The following FHIT variants were observed in gnomAD, a reference collection of about 807,000 sequenced individuals.
FHIT encodes bis(5'-adenosyl)-triphosphatase.
A neutral mutation model predicts 17.9 loss-of-function variants in FHIT; 19 were observed. The ratio of observed to expected loss-of-function variants is 1.06; its 90% CI spans 0.74 to 1.56. The LOEUF (loss-of-function observed/expected upper bound fraction) is 1.56, where lower values mean the gene tolerates loss of function less well. Ranked by LOEUF, FHIT falls within the 40% of genes most tolerant of loss-of-function variation. FHIT has a pLI of 0.00. For synonymous variants in FHIT, 81 were observed against 69.7 expected (o/e 1.16, Z -0.81); for missense variants, 248 against 189.2 (o/e 1.31, Z -1.82).
chr3:60,956,096 C>T (rs1417638414), intron 3 of FHIT, among the ~76,000 whole-genome samples: 1 of 151,992 alleles, frequency 6.6e-6, no homozygotes, highest in Non-Finnish European at 1.5e-5. Context: ...ACTCATGTAC[C>T]CTATTTAATG....
intron 8 of FHIT, among the ~76,000 whole-genome samples, chr3:59,776,346 C>T (rs56102180): frequency 0.046 from 7,015 of 152,316 alleles, 256 homozygotes; most frequent in African/African-American, 0.091. Flanking sequence ...GCTACAAGTG[C>T]TCACCATCAC....
intron 8 of FHIT, among the ~76,000 whole-genome samples, chr3:59,756,839 C>A (rs774362639): frequency 6.6e-6 from 1 of 152,150 alleles, no homozygotes; most frequent in Non-Finnish European, 1.5e-5. Context: ...TGTAAATCAA[C>A]CTGCACTATT....
chr3:60,226,755 A>G (rs1704228510), intron 5 of FHIT, among the ~76,000 whole-genome samples: 1 of 152,114 alleles, frequency 6.6e-6, no homozygotes, highest in African/African-American at 2.4e-5. Context: ...AATGAGAAGC[A>G]AATAATCATA....
At chr3:59,785,372 C>T (rs550626) in intron 8 of FHIT, among the ~76,000 whole-genome samples, 101,707 of 150,534 alleles carry the variant, frequency 0.68, 34,733 homozygotes, top group Middle Eastern at 0.73. Flanking sequence ...TGCAGTGGCA[C>T]GATCTTGGCT....
At chr3:60,310,497 G>T (rs907591172) in intron 5 of FHIT, among the ~76,000 whole-genome samples, 1 of 152,030 alleles carries the variant, frequency 6.6e-6, no homozygotes, top group African/African-American at 2.4e-5. Context: ...AGGCCTAGGG[G>T]TCAGTACTGA....
At chr3:60,369,914 T>C (rs975468237) in intron 5 of FHIT, among the ~76,000 whole-genome samples, 1 of 152,168 alleles carries the variant, frequency 6.6e-6, no homozygotes, top group Non-Finnish European at 1.5e-5. Context: ...TTCAACAGTA[T>C]TTTACAGAAA....
At chr3:59,981,752 G>C (rs1170641199) in intron 7 of FHIT, among the ~76,000 whole-genome samples, 2 of 152,088 alleles carry the variant, frequency 1.3e-5, no homozygotes, top group African/African-American at 4.8e-5. Context: ...CATTTAATGT[G>C]AAATGAGGCA....
chr3:60,533,908 T>A (rs968100025), intron 5 of FHIT, among the ~76,000 whole-genome samples: 1 of 152,062 alleles, frequency 6.6e-6, no homozygotes, highest in Admixed American at 6.6e-5. Context: ...ATAGGCTACA[T>A]TGGAAAAGCC....
intron 5 of FHIT, among the ~76,000 whole-genome samples, chr3:60,354,694 T>C (rs1014149662): frequency 1.4e-4 from 22 of 152,242 alleles, no homozygotes; most frequent in Non-Finnish European, 2.5e-4. Flanking sequence ...TATTTTTAAA[T>C]GTCACCAAAT....
rs143178836 is a variant in FHIT at position 60,446,129 on chromosome 3, T to G, written c.103+90731A>C. Among the ~76,000 whole-genome samples the G allele has an allele frequency of 5.1e-3, 781 of 152,204 alleles. 7 individuals carry two copies. The highest frequency in any genetic ancestry group is 0.018 in the African/African-American group (750 of 41,560). ...AGGGTAGGAGGGACAATGGAGTTCT[T>G]GAGAGTCCTGGCATTACTGGGAGAA... On this transcript the variant is annotated intron_variant, in intron 5 of 9. Coordinates refer to ENST00000492590, the MANE Select transcript of FHIT (RefSeq NM_002012.4).
At chr3:60,486,453 C>T (rs561516544) in intron 5 of FHIT, among the ~76,000 whole-genome samples, 2 of 152,196 alleles carry the variant, frequency 1.3e-5, no homozygotes, top group South Asian at 4.1e-4. Flanking sequence ...TTCCCCAAAG[C>T]TCCTAACATC....
At chr3:60,281,541 C>G (rs921708088) in intron 5 of FHIT, among the ~76,000 whole-genome samples, 1 of 150,650 alleles carries the variant, frequency 6.6e-6, no homozygotes, top group Admixed American at 6.6e-5. Flanking sequence ...CAAACATAAA[C>G]AACTTGCCCT....
intron 5 of FHIT, among the ~76,000 whole-genome samples, chr3:60,435,106 C>A (rs2030093555): frequency 6.6e-6 from 1 of 152,146 alleles, no homozygotes; most frequent in African/African-American, 2.4e-5. Context: ...GCTGGGCCAG[C>A]AGCAGGCCAT....
At chr3:61,020,078 G>A (rs562768244) in intron 3 of FHIT, among the ~76,000 whole-genome samples, 70 of 152,200 alleles carry the variant, frequency 4.6e-4, no homozygotes, top group Admixed American at 2.7e-3. Flanking sequence ...GGGTCAAGTG[G>A]TATTTCTTGT....
chr3:59,995,185 T>G (rs917681822), intron 7 of FHIT, among the ~76,000 whole-genome samples: 1 of 151,608 alleles, frequency 6.6e-6, no homozygotes, highest in Non-Finnish European at 1.5e-5. Flanking sequence ...ACAAAGAAAA[T>G]CTGATGTAGG....
intron 5 of FHIT, among the ~76,000 whole-genome samples, chr3:60,127,916 C>T (rs1360375602): frequency 1.3e-5 from 2 of 152,106 alleles, no homozygotes; most frequent in African/African-American, 4.8e-5. Flanking sequence ...CAGTCATGAG[C>T]CATCTCATGC....
intron 2 of FHIT, among the ~76,000 whole-genome samples, chr3:61,114,012 G>C (rs1047168748): frequency 1.5e-4 from 23 of 152,128 alleles, no homozygotes; most frequent in African/African-American, 5.6e-4. Flanking sequence ...AGCAAAAGGG[G>C]TTTCTCTATG....
At chr3:60,735,301 C>T (rs1351731465) in intron 4 of FHIT, among the ~76,000 whole-genome samples, 1 of 152,146 alleles carries the variant, frequency 6.6e-6, no homozygotes, top group Non-Finnish European at 1.5e-5. Context: ...GTGCTGGTAC[C>T]ATCATCCTCA....
intron 9 of FHIT, chr3:59,751,232 T>TTCTCTCTCTCTCTC (rs10577548): frequency 1.5e-4 from 26 of 176,298 alleles, no homozygotes; most frequent in South Asian, 8.0e-4. Flanking sequence ...ATAGATACAT[T>TTCTCTCTCTCTCTC]TCTCTCTCTC....
Sources: allele counts gnomAD v4.1 joint callset (sites outside exome capture counted in the v4.1 genomes callset), GRCh38; gene constraint gnomAD v4.1.1; transcripts MANE v1.5; gene names NCBI Gene and HGNC (gene_info 2026-07-23, HGNC 2026-07-21).